The following PVR variants were observed in gnomAD, a reference collection of about 807,000 sequenced individuals.
The protein encoded by PVR is PVR cell adhesion molecule, also known as poliovirus receptor.
PVR carries 39 observed loss-of-function variants against 43.3 expected under a neutral mutation model. That is an observed-to-expected ratio of 0.90 (90% CI 0.70 to 1.18). The LOEUF (loss-of-function observed/expected upper bound fraction) is 1.18, where lower values mean the gene tolerates loss of function less well. Ranked by LOEUF, PVR falls within the 50% of genes most tolerant of loss-of-function variation. PVR has a pLI of 0.00. For missense variants in PVR, 480 were observed against 549.7 expected (o/e 0.87, Z 1.27); for synonymous variants, 224 against 233.2 (o/e 0.96, Z 0.36).
In PVR at chr19:44,665,450, C is replaced by G. The variant is rs1023310534; in HGVS notation, c.*3639C>G. ...TCACTTGAGGTAAGGAGTTCAAGAC[C>G]AGACCATAGTGAAACCGTGTCTCTA... is the stretch of plus-strand genomic sequence containing the variant. On this transcript the variant is annotated 3_prime_UTR_variant, in exon 8 of 8. Transcript: ENST00000425690. The G allele has an allele frequency of 6.6e-6, 1 of 152,004 alleles. No homozygotes were observed. The highest frequency in any genetic ancestry group is 6.6e-5 in the Admixed American group (1 of 15,226). 9.4% of individuals were successfully genotyped at this position (152,004 alleles called of 1,614,324 possible). A position where few individuals can be genotyped will look rare whatever the true frequency, so the allele number is the denominator to read the frequency against.
At chr19:44,654,749 T>A (rs77314667) in intron 4 of PVR, among the ~76,000 whole-genome samples, 1 of 152,214 alleles carries the variant, frequency 6.6e-6, no homozygotes, top group Non-Finnish European at 1.5e-5. Context: ...TTTTTGCGAA[T>A]TTTTTTAGCT....
chr19:44,647,576 C>T lies in PVR; in HGVS notation c.427+6C>T, dbSNP rs751430340. The T allele has an allele frequency of 2.5e-6, 4 of 1,601,616 alleles. No homozygotes were observed. Among genetic ancestry groups the T allele is most frequent in the Non-Finnish European group, 2.6e-6 (3 of 1,172,910 alleles). ...TATCTGGCTCCGAGTGCTTGGTGAG[C>T]AGGGGGTTTTGGGGAGGCTGAATGA... On this transcript the variant is annotated splice_donor_region_variant and intron_variant, in intron 2 of 7. Transcript: ENST00000425690.
In PVR at chr19:44,649,917, G is replaced by C; in HGVS notation, c.536G>C (p.Trp179Ser). ...GGTCGCCCGCCAGCCCAAATCACCT[G>C]GCACTCAGACCTGGGCGGGATGCCC... ...TGGRPPAQIT[W>S]HSDLGGMPNT... is the part of the protein sequence containing the mutation. The change falls in exon 3 of 8, where the codon TGG (tryptophan) becomes TCG (serine). Residue 179 changes from tryptophan (W) to serine (S), a missense_variant. Coordinates refer to ENST00000425690, the MANE Select transcript of PVR (RefSeq NM_006505.5). The C allele has an allele frequency of 6.2e-7, 1 of 1,613,572 alleles. No individual in the cohort carries two copies. The highest frequency in any genetic ancestry group is 1.7e-4 in the Middle Eastern group (1 of 6,056).
At chr19:44,652,298 T>G (rs1242505963) in intron 3 of PVR, among the ~76,000 whole-genome samples, 2 of 152,102 alleles carry the variant, frequency 1.3e-5, no homozygotes, top group African/African-American at 4.8e-5. Flanking sequence ...GCTTAAGTGA[T>G]CCTCCCACCT....
At position 44,649,755 on chromosome 19, in the gene PVR, T is replaced by C. The variant is rs370776394; in HGVS notation, c.428-54T>C. 7.6e-6 allele frequency: 12 copies of C among 1,579,556 alleles called. No individual in the cohort carries two copies. In the African/African-American group the frequency reaches 1.5e-4, roughly 19 times the overall value. ...TCCTGTACCCTTAATGAATGCCCCCTTCTGCCACGGAGGGGTTCATTGAAT... is the reference window on the plus strand; with the variant it reads ...TCCTGTACCCTTAATGAATGCCCCCCTCTGCCACGGAGGGGTTCATTGAAT... On this transcript the variant is annotated intron_variant, in intron 2 of 7. Transcript: ENST00000425690.
intron 2 of PVR, 47 bp downstream of exon 2, chr19:44,647,617 T>C: frequency 1.3e-6 from 2 of 1,501,902 alleles, no homozygotes; most frequent in Non-Finnish European, 1.8e-6. Context: ...AGAGACTTGG[T>C]GGGAGGATCA....
chr19:44,664,833 A>G lies in PVR; in HGVS notation c.*3022A>G, dbSNP rs1973671339. On this transcript the variant is annotated 3_prime_UTR_variant, in exon 8 of 8. Coordinates refer to ENST00000425690, the MANE Select transcript of PVR (RefSeq NM_006505.5). The stretch of plus-strand genomic sequence containing the variant: ...TAAAGTACTGGGATTTATAGGCATA[A>G]GCCACCGTGCCTGGCCAATGCACAC... 6.6e-6 allele frequency: 1 copy of G among 152,062 alleles called. No individual in the cohort carries two copies. The highest frequency in any genetic ancestry group is 6.6e-5 in the Admixed American group (1 of 15,262). 9.4% of individuals were successfully genotyped at this position (152,062 alleles called of 1,614,324 possible).
At chr19:44,657,421 T>C (rs1251075306) in intron 4 of PVR, among the ~76,000 whole-genome samples, 1 of 152,144 alleles carries the variant, frequency 6.6e-6, no homozygotes, top group Non-Finnish European at 1.5e-5. Context: ...AGGCGACCTC[T>C]GGTGGCCATG....
At position 44,661,936 on chromosome 19, in the gene PVR, C is replaced by A; in HGVS notation, c.*125C>A. On this transcript the variant is annotated 3_prime_UTR_variant, in exon 8 of 8. Coordinates refer to ENST00000425690, the MANE Select transcript of PVR (RefSeq NM_006505.5). ...ACCAGCCTCCCTCCCTGTGCCAGACCTCAAAACGACGGGGGCAGGTGCAAG... is the reference window on the plus strand; with the variant it reads ...ACCAGCCTCCCTCCCTGTGCCAGACATCAAAACGACGGGGGCAGGTGCAAG... 1.2e-6 allele frequency: 1 copy of A among 851,292 alleles called. No homozygotes were observed. The highest frequency in any genetic ancestry group is 1.9e-6 in the Non-Finnish European group (1 of 537,832). The allele number at this position is 851,292 out of a possible 1,614,324, so 52.7% of individuals were successfully genotyped here.
In PVR at chr19:44,661,857, G is replaced by T; in HGVS notation, c.*46G>T. The T allele has an allele frequency of 6.4e-7, 1 of 1,574,752 alleles. No individual in the cohort carries two copies. The highest frequency in any genetic ancestry group is 8.7e-7 in the Non-Finnish European group (1 of 1,146,466). ...GAGAGAGACTGGAGCTGGCAAGGAC[G>T]TGGGCCTCCAGAGTTGGACCCGACC... is the stretch of plus-strand genomic sequence containing the variant. On this transcript the variant is annotated 3_prime_UTR_variant, in exon 8 of 8. Coordinates refer to ENST00000425690, the MANE Select transcript of PVR (RefSeq NM_006505.5).
At chr19:44,645,214 TTA>T (rs1168607649) in intron 1 of PVR, among the ~76,000 whole-genome samples, 30 of 86,752 alleles carry the variant, frequency 3.5e-4, no homozygotes, top group South Asian at 1.9e-3. Context: ...ATATTATATA[TTA>T]TATATATTAT....
In PVR at chr19:44,658,864, C is replaced by T. The variant is rs760686774; in HGVS notation, c.1114C>T (p.Arg372Cys). The change falls in exon 6 of 8, where the codon CGT (arginine) becomes TGT (cysteine). Residue 372 changes from arginine (R) to cysteine (C), a missense_variant. By Grantham distance (180) the Arg-to-Cys change is radical. Coordinates refer to ENST00000425690, the MANE Select transcript of PVR (RefSeq NM_006505.5). ...GIYFYWSKCS[R>C]EVLWHCHLCP... ...TTATTTCTATTGGTCCAAATGTTCCCGTGAGGTCCTTTGGCACTGTCATCT... is the reference window on the plus strand; with the variant it reads ...TTATTTCTATTGGTCCAAATGTTCCTGTGAGGTCCTTTGGCACTGTCATCT... The T allele has an allele frequency of 1.4e-5, 23 of 1,613,980 alleles. No individual in the cohort carries two copies. Among genetic ancestry groups the T allele is most frequent in the African/African-American group, 6.7e-5 (5 of 74,882 alleles).
At chr19:44,651,441 G>A (rs1973277486) in intron 3 of PVR, among the ~76,000 whole-genome samples, 1 of 152,080 alleles carries the variant, frequency 6.6e-6, no homozygotes. Flanking sequence ...CTCCCACATT[G>A]TATCGACCAG....
intron 4 of PVR, among the ~76,000 whole-genome samples, chr19:44,654,734 C>CT (rs889039563): frequency 2.6e-5 from 4 of 151,758 alleles, no homozygotes; most frequent in East Asian, 1.9e-4. Context: ...CATTATGAGA[C>CT]TTTTTTTTTG....
chr19:44,655,126 G>A (rs1019910074), intron 4 of PVR, among the ~76,000 whole-genome samples: 6 of 151,986 alleles, frequency 3.9e-5, no homozygotes, highest in Admixed American at 6.5e-5. Flanking sequence ...CTCTGTTGCC[G>A]AGGCTGGAGT....
chr19:44,653,473 C>T lies in PVR; in HGVS notation c.725-427C>T, dbSNP rs371431333. Reference sequence around the variant, plus strand: ...GCCCCCAAGGACATTGAAAGGTCTTCGCTGTCAATCACGTATGGGATGGCT... The same window carrying T: ...GCCCCCAAGGACATTGAAAGGTCTTTGCTGTCAATCACGTATGGGATGGCT... On this transcript the variant is annotated intron_variant, in intron 3 of 7. Coordinates refer to ENST00000425690, the MANE Select transcript of PVR (RefSeq NM_006505.5). 2.6e-3 allele frequency among the ~76,000 whole-genome samples: 396 copies of T among 152,324 alleles called. 1 individual carries two copies. Among genetic ancestry groups the T allele is most frequent in the African/African-American group, 9.2e-3 (383 of 41,576 alleles).
rs1973349139 is a variant in PVR, at chr19:44,653,787, C to T, written c.725-113C>T. 11 of 747,364 alleles carry T rather than the reference C, an allele frequency of 1.5e-5. No individual in the cohort carries two copies. In the South Asian group the frequency reaches 1.6e-4, roughly 11 times the overall value. 46.3% of individuals were successfully genotyped at this position (747,364 alleles called of 1,614,324 possible). A position where few individuals can be genotyped will look rare whatever the true frequency, so the allele number is the denominator to read the frequency against. ...AGACTCCTCCTAGGCCTCTCCAGCT[C>T]CCGCTGTTTTCCAAATATCCCCGGG... On this transcript the variant is annotated intron_variant, in intron 3 of 7. Transcript: ENST00000425690.
Position 44,644,085 on chromosome 19 carries a change from G to C in PVR, c.-12G>C. The C allele has an allele frequency of 2.7e-6, 4 of 1,507,364 alleles. No homozygotes were observed. The highest frequency in any genetic ancestry group is 1.2e-5 in the South Asian group (1 of 81,502). 93.4% of individuals were successfully genotyped at this position (1,507,364 alleles called of 1,614,324 possible). ...ACGCCCGCGGGAGGCCCAGCTGCTC[G>C]GAGCAACTGGCATGGCCCGAGCCAT... On this transcript the variant is annotated 5_prime_UTR_variant, in exon 1 of 8. Transcript: ENST00000425690.
rs377330394 is a variant in PVR at position 44,647,600 on chromosome 19, G to A, written c.427+30G>A. 31 of 1,555,942 alleles carry A rather than the reference G, an allele frequency of 2.0e-5. No individual in the cohort carries two copies. In the South Asian group the frequency reaches 3.4e-4, roughly 17 times the overall value. On this transcript the variant is annotated intron_variant, in intron 2 of 7. Coordinates refer to ENST00000425690, the MANE Select transcript of PVR (RefSeq NM_006505.5). ...GCAGGGGGTTTTGGGGAGGCTGAATGAAAGGCAGAGACTTGGTGGGAGGAT... is the reference window on the plus strand; with the variant it reads ...GCAGGGGGTTTTGGGGAGGCTGAATAAAAGGCAGAGACTTGGTGGGAGGAT...
Sources: gnomAD v4.1 joint callset for allele counts (sites outside exome capture counted in the v4.1 genomes callset) on GRCh38, gnomAD v4.1.1 for gene constraint, MANE v1.5 for transcripts, NCBI Gene and HGNC (gene_info 2026-07-23, HGNC 2026-07-21) for gene names.